Variants in IGFN1 observed in about 807,000 individuals in gnomAD.
IGFN1 encodes immunoglobulin-like and fibronectin type III domain-containing protein 1.
IGFN1 carries 253 observed loss-of-function variants against 289.5 expected under a neutral mutation model. That is an observed-to-expected ratio of 0.87 (90% confidence interval 0.79 to 0.97). The LOEUF (loss-of-function observed/expected upper bound fraction) is 0.97, where lower values mean the gene tolerates loss of function less well. IGFN1 is among the 50% of genes least tolerant of loss of function. The pLI is 0.00. For synonymous variants in IGFN1, 1,706 were observed against 1,788.5 expected, an observed-to-expected ratio of 0.95 and a Z score of 1.16; for missense variants, 4,470 against 4,686.1, an observed-to-expected ratio of 0.95 and a Z score of 1.35.
chr1:201,219,937 C>T (rs1653604494), intron 18 of IGFN1, among the ~76,000 whole-genome samples: 1 of 76,754 alleles, frequency 1.3e-5, no homozygotes, highest in South Asian at 6.3e-4. Context: ...CTTTCTCTCT[C>T]TCCTTCCTTC....
At chr1:201,228,335 G>GT (rs1558165016) in intron 23 of IGFN1, 51 bp from the exon 24 acceptor site, 10 of 1,589,116 alleles carry the variant, frequency 6.3e-6, no homozygotes, top group Non-Finnish European at 8.6e-6. Context: ...AACAGATGCA[G>GT]GGTGGGGTGG....
chr1:201,209,474 G>C lies in IGFN1; in HGVS notation c.4581G>C (p.Lys1527Asn). ...LGSGEMGSVD[K>N]AGYRKDLGAS... ...CTGGGGAAATGGGGTCTGTGGATAA[G>C]GCAGGCTATAGGAAGGATTTGGGGG... The change falls in exon 12 of 24, where the codon AAG becomes AAC. Residue 1527 changes from lysine (K) to asparagine (N), a missense_variant. By Grantham distance (94) the Lys-to-Asn change is moderately conservative. Coordinates refer to ENST00000335211, the MANE Select transcript of IGFN1 (RefSeq NM_001164586.2). The C allele has an allele frequency of 6.5e-7, 1 of 1,536,790 alleles. No individual in the cohort carries two copies. Among genetic ancestry groups the C allele is most frequent in the Non-Finnish European group, 8.7e-7 (1 of 1,146,778 alleles).
At chr1:201,199,692 C>G in intron 7 of IGFN1, 38 bp downstream of exon 7, 1 of 1,532,132 alleles carries the variant, frequency 6.5e-7, no homozygotes, top group Non-Finnish European at 8.8e-7. Flanking sequence ...TTTGGAGGCT[C>G]CCATAGTATT....
rs780641879 is a variant in IGFN1 at position 201,214,193 on chromosome 1, C to A, written c.8745C>A (p.Phe2915Leu). ...SKDAQGPMGH[F>L]SQGLADMEVQ... ...TCTCTCCAGGCCCCATGGGCCACTT[C>A]TCCCAGGGCCTGGCTGACATGGAAG... Residue 2915 changes from phenylalanine to leucine, a missense_variant, in exon 13 of 24, where the codon TTC becomes TTA. By Grantham distance (22) the Phe-to-Leu change is conservative (BLOSUM62 0). Around this residue, in one of 8 missense-constraint regions of IGFN1, gnomAD observed 2,218 missense variants for 2,114.1 expected, o/e 1.05. Coordinates refer to ENST00000335211, the MANE Select transcript of IGFN1 (RefSeq NM_001164586.2). 8.1e-6 allele frequency: 13 copies of A among 1,612,820 alleles called. No individual in the cohort carries two copies. Among genetic ancestry groups the A allele is most frequent in the Admixed American group, 1.7e-5 (1 of 59,958 alleles).
In IGFN1 at chr1:201,194,622, G is replaced by C. The variant is rs1477518832; in HGVS notation, c.127+349G>C. On this transcript the variant is annotated intron_variant, in intron 3 of 23. Coordinates refer to ENST00000335211, the MANE Select transcript of IGFN1 (RefSeq NM_001164586.2). ...CACCTCAAAGCCACTGCTGCAGAGA[G>C]GCACTGTTAAAACAGTTAATTTGAC... Among the ~76,000 whole-genome samples, 2 of 152,232 alleles carry C rather than the reference G, an allele frequency of 1.3e-5. 1 individual carries two copies. Among genetic ancestry groups the C allele is most frequent in the Non-Finnish European group, 2.9e-5 (2 of 68,048 alleles).
rs988518077 is a variant in IGFN1, at chr1:201,208,629, C to T, written c.3736C>T (p.Pro1246Ser). The stretch of plus-strand genomic sequence containing the variant: ...GGGCCTTGGGCCTAGGAGTACAGGG[C>T]CAGGGGGTGAGGCAGGCTTTAGAGA... ...SRGLGPRSTGPGGEAGFRDGS... is the reference protein window; with the variant it reads ...SRGLGPRSTGSGGEAGFRDGS... Residue 1246 changes from proline (P) to serine (S), a missense_variant, in exon 12 of 24, where the codon CCA becomes TCA. Pro to Ser is a moderately conservative substitution (Grantham distance 74, BLOSUM62 -1). Around this residue, in one of 8 missense-constraint regions of IGFN1, gnomAD observed 2,011 missense variants for 1,953.4 expected, o/e 1.03. Transcript: ENST00000335211. The T allele has an allele frequency of 2.6e-6, 4 of 1,529,234 alleles. No homozygotes were observed. The African/African-American group carries it at 5.5e-5, about 21-fold the overall frequency. 94.7% of individuals were successfully genotyped at this position (1,529,234 alleles called of 1,614,324 possible).
In IGFN1 at chr1:201,217,395, A is replaced by G. The variant is rs747405769; in HGVS notation, c.9704A>G (p.Tyr3235Cys). 2.5e-6 allele frequency: 4 copies of G among 1,614,056 alleles called. No homozygotes were observed. The African/African-American group carries it at 5.3e-5, about 22-fold the overall frequency. ...CCCGGCAGCGCCCACATCCTGGGCTACCTGATCGAGAGGCGTAAGAAGGGG... is the reference window on the plus strand; with the variant it reads ...CCCGGCAGCGCCCACATCCTGGGCTGCCTGATCGAGAGGCGTAAGAAGGGG... ...RGPGSAHILG[Y>C]LIERRKKGSN... Residue 3235 changes from tyrosine to cysteine, a missense_variant, in exon 17 of 24, where the codon TAC becomes TGC. Tyr to Cys is a radical substitution (Grantham distance 194). Coordinates refer to ENST00000335211, the MANE Select transcript of IGFN1 (RefSeq NM_001164586.2).
chr1:201,212,947 G>T lies in IGFN1; in HGVS notation c.8054G>T (p.Gly2685Val). The T allele has an allele frequency of 3.9e-6, 6 of 1,551,494 alleles. No homozygotes were observed. Among genetic ancestry groups the T allele is most frequent in the Non-Finnish European group, 5.2e-6 (6 of 1,146,958 alleles). ...EGAPGQEAAG[G>V]CRSPWSLDSK... ...GCACCAGGCCAAGAGGCGGCTGGTGGATGCCGAAGCCCATGGTCCCTGGAT... is the reference window on the plus strand; with the variant it reads ...GCACCAGGCCAAGAGGCGGCTGGTGTATGCCGAAGCCCATGGTCCCTGGAT... The change falls in exon 12 of 24, where the codon GGA becomes GTA. Residue 2685 changes from glycine to valine, a missense_variant. Gly to Val is a moderately radical substitution (Grantham distance 109, BLOSUM62 -3). Transcript: ENST00000335211.
At position 201,218,520 on chromosome 1, in the gene IGFN1, C is replaced by A. The variant is rs535683465; in HGVS notation, c.9770-10C>A. On this transcript the variant is annotated splice_polypyrimidine_tract_variant and intron_variant, in intron 17 of 23. Coordinates refer to ENST00000335211, the MANE Select transcript of IGFN1 (RefSeq NM_001164586.2). ...TCAGGGTGGGACTCACATGGGCGGG[C>A]TGTTCACAGAGAGGAGGTGGACGGT... The A allele has an allele frequency of 8.1e-6, 13 of 1,609,934 alleles. No homozygotes were observed. The Admixed American group carries it at 2.0e-4, about 25-fold the overall frequency.
rs1227325591 is a variant in IGFN1, at chr1:201,207,598, G to A, written c.2705G>A (p.Gly902Glu). The change falls in exon 12 of 24, where the codon GGG becomes GAG. Residue 902 changes from glycine (G) to glutamate (E), a missense_variant. Coordinates refer to ENST00000335211, the MANE Select transcript of IGFN1 (RefSeq NM_001164586.2). ...RAPGLGAQGSGGTLGDKKGLR... is the reference protein window; with the variant it reads ...RAPGLGAQGSEGTLGDKKGLR... ...CCAGGCCTGGGTGCTCAGGGATCTG[G>A]GGGGACACTAGGAGATAAGAAAGGA... The A allele has an allele frequency of 1.3e-6, 2 of 1,537,016 alleles. No individual in the cohort carries two copies. Among genetic ancestry groups the A allele is most frequent in the Non-Finnish European group, 1.7e-6 (2 of 1,146,864 alleles).
At position 201,215,524 on chromosome 1, in the gene IGFN1, T is replaced by A. The variant is rs192629842; in HGVS notation, c.8996-15T>A. 6.5e-7 allele frequency: 1 copy of A among 1,541,820 alleles called. No individual in the cohort carries two copies. Among genetic ancestry groups the A allele is most frequent in the East Asian group, 2.3e-5 (1 of 44,104 alleles). On this transcript the variant is annotated splice_polypyrimidine_tract_variant and intron_variant, in intron 14 of 23. Coordinates refer to ENST00000335211, the MANE Select transcript of IGFN1 (RefSeq NM_001164586.2). ...AGTGCCCTGGTCTTCCTTGACTCTC[T>A]TGTTTTATTTCTAGATTCCCCTACC... is the stretch of plus-strand genomic sequence containing the variant.
In IGFN1 at chr1:201,207,352, C is replaced by T. The variant is rs754007172; in HGVS notation, c.2459C>T (p.Thr820Ile). ...AGCTTCCAGTCTTCCCAGGGCTGGA[C>T]AGCAGGTCACAGAGCAGCAGGGGGT... ...PRSFQSSQGW[T>I]AGHRAAGGIG... The change falls in exon 12 of 24, where the codon ACA becomes ATA. Residue 820 changes from threonine to isoleucine, a missense_variant. Thr to Ile is a moderately conservative substitution (Grantham distance 89). This residue lies in a region of IGFN1 where 2,011 missense variants were observed against 1,953.4 expected (regional missense o/e 1.03). Transcript: ENST00000335211. The T allele has an allele frequency of 2.0e-6, 3 of 1,536,920 alleles. No homozygotes were observed. In the East Asian group the frequency reaches 7.3e-5, roughly 38 times the overall value.
intron 4 of IGFN1, among the ~76,000 whole-genome samples, chr1:201,196,975 C>T (rs1452287989): frequency 4.6e-5 from 7 of 152,108 alleles, no homozygotes; most frequent in African/African-American, 1.7e-4. Flanking sequence ...ATCCATCTGA[C>T]CCCAAAAAGC....
rs915831364 is a variant in IGFN1, at chr1:201,201,094, G to A, written c.634-625G>A. Reference sequence around the variant, plus strand: ...GATCCGCCTGCCTCGGCCTCCCAAAGTGCTGGGATTACAGGCGTGAGCCAC... The same window carrying A: ...GATCCGCCTGCCTCGGCCTCCCAAAATGCTGGGATTACAGGCGTGAGCCAC... On this transcript the variant is annotated intron_variant, in intron 8 of 23. Coordinates refer to ENST00000335211, the MANE Select transcript of IGFN1 (RefSeq NM_001164586.2). Among the ~76,000 whole-genome samples the A allele has an allele frequency of 2.6e-5, 4 of 152,134 alleles. No individual in the cohort carries two copies. The South Asian group carries it at 8.3e-4, about 31-fold the overall frequency.
At position 201,217,229 on chromosome 1, in the gene IGFN1, C is replaced by T. The variant is rs879052471; in HGVS notation, c.9596-58C>T. ...CTGTGCCCCCTACCCCCAGGGGCTC[C>T]CCATGAGCCGGCACCTTTCCCAGGC... On this transcript the variant is annotated intron_variant, in intron 16 of 23. Coordinates refer to ENST00000335211, the MANE Select transcript of IGFN1 (RefSeq NM_001164586.2). 7 of 1,523,740 alleles carry T rather than the reference C, an allele frequency of 4.6e-6. No homozygotes were observed. The South Asian group carries it at 8.2e-5, about 18-fold the overall frequency. 94.4% of individuals were successfully genotyped at this position (1,523,740 alleles called of 1,614,324 possible). A position where few individuals can be genotyped will look rare whatever the true frequency, so the allele number is the denominator to read the frequency against.
At position 201,195,954 on chromosome 1, in the gene IGFN1, T is replaced by C. The variant is rs1666899536; in HGVS notation, c.243T>C (p.Pro81=). 6.4e-7 allele frequency: 1 copy of C among 1,551,946 alleles called. No homozygotes were observed. Among genetic ancestry groups the C allele is most frequent in the Non-Finnish European group, 8.7e-7 (1 of 1,147,062 alleles). Residue 81 remains proline, a synonymous_variant, in exon 4 of 24, where the codon CCT becomes CCC. Transcript: ENST00000335211. The part of the protein sequence containing the change: ...DSSKYKISSS[P]GSKEHVLQIN... ...GCAAGTACAAGATCTCCTCCAGCCC[T>C]GGCAGCAAGGAGCACGTGCTGCAGG...
In IGFN1 at chr1:201,213,431, G is replaced by A. The variant is rs375371812; in HGVS notation, c.8538G>A (p.Met2846Ile). 3.7e-5 allele frequency: 60 copies of A among 1,614,052 alleles called. No homozygotes were observed. The African/African-American group carries it at 6.4e-4, about 17-fold the overall frequency. ...DEAGSMGWQPMGENWGCLEEM... is the reference protein window; with the variant it reads ...DEAGSMGWQPIGENWGCLEEM... ...CTGGAAGCATGGGGTGGCAGCCTAT[G>A]GGAGAGAACTGGGGGTGCCTGGAGG... The change falls in exon 12 of 24, where the codon ATG becomes ATA. Residue 2846 changes from methionine (M) to isoleucine (I), a missense_variant. Met to Ile is a conservative substitution (Grantham distance 10). Transcript: ENST00000335211.
At chr1:201,227,403 C>T (rs538617149) in intron 23 of IGFN1, among the ~76,000 whole-genome samples, 195 bp downstream of exon 23, 1 of 149,524 alleles carries the variant, frequency 6.7e-6, no homozygotes, top group Non-Finnish European at 1.5e-5. Flanking sequence ...TATTTGCCCA[C>T]TTTTTAAAAA....
In IGFN1 at chr1:201,225,933, C is replaced by T. The variant is rs374198746; in HGVS notation, c.10596C>T (p.Tyr3532=). Residue 3532 remains tyrosine, a synonymous_variant, in exon 22 of 24, where the codon TAC becomes TAT. Transcript: ENST00000335211. The part of the protein sequence containing the change: ...PDEAQDVPLH[Y]AVFTRSSAHG... ...AGGCCCAGGATGTCCCGCTGCACTA[C>T]GCGGTGTTCACACGCTCCTCAGCGC... The T allele has an allele frequency of 1.1e-4, 177 of 1,604,088 alleles. 1 individual carries two copies. The highest frequency in any genetic ancestry group is 5.9e-4 in the Admixed American group (35 of 58,852).
Sources: allele counts gnomAD v4.1 joint callset (sites outside exome capture counted in the v4.1 genomes callset), GRCh38; gene constraint gnomAD v4.1.1; regional missense constraint gnomAD v4.1.1; transcripts MANE v1.5; gene names NCBI Gene and HGNC (gene_info 2026-07-23, HGNC 2026-07-21).